Variants in NCAM2 observed in about 807,000 individuals in gnomAD.
NCAM2 encodes the protein N-CAM-2.
A neutral mutation model predicts 98.1 loss-of-function variants in NCAM2; 30 were observed. The ratio of observed to expected loss-of-function variants is 0.31; its 90% CI spans 0.23 to 0.41. The LOEUF is 0.41. Among genes scored for constraint, NCAM2 ranks in the 10% least tolerant of loss-of-function variants. The pLI is 1.00. For missense variants in NCAM2, 867 were observed against 1,005.8 expected, an observed-to-expected ratio of 0.86 and a Z score of 1.87; for synonymous variants, 368 against 342.4, an observed-to-expected ratio of 1.07 and a Z score of -0.83.
At chr21:21,096,347 T>C (rs2066122960) in intron 1 of NCAM2, among the ~76,000 whole-genome samples, 1 of 151,392 alleles carries the variant, frequency 6.6e-6, no homozygotes, top group Non-Finnish European at 1.5e-5. Flanking sequence ...CTTTGCACAG[T>C]AGTGGATTGT....
chr21:21,495,304 G>T (rs1022728099), intron 15 of NCAM2, among the ~76,000 whole-genome samples: 8 of 151,754 alleles, frequency 5.3e-5, no homozygotes, highest in Non-Finnish European at 1.2e-4. Flanking sequence ...TATATAAGGG[G>T]CTGAGTCTAT....
chr21:21,514,643 T>C (rs1602537951), intron 16 of NCAM2, among the ~76,000 whole-genome samples: 2 of 152,200 alleles, frequency 1.3e-5, no homozygotes, highest in Non-Finnish European at 2.9e-5. Flanking sequence ...TTTCGCATTT[T>C]ACCTTTAGAC....
intron 8 of NCAM2, among the ~76,000 whole-genome samples, chr21:21,371,012 T>A (rs537623551): frequency 6.6e-6 from 1 of 151,990 alleles, no homozygotes; most frequent in South Asian, 2.1e-4. Flanking sequence ...TTTGATTGCA[T>A]GTATTTATCT....
At chr21:21,135,738 AG>A (rs1482683048) in intron 1 of NCAM2, among the ~76,000 whole-genome samples, 1 of 152,146 alleles carries the variant, frequency 6.6e-6, no homozygotes, top group African/African-American at 2.4e-5. Flanking sequence ...TTCAACTCCT[AG>A]GAACCAACCT....
At position 21,338,524 on chromosome 21, in the gene NCAM2, A is replaced by C. The variant is rs1568951391; in HGVS notation, c.1034A>C (p.Glu345Ala). 6.2e-7 allele frequency: 1 copy of C among 1,607,600 alleles called. No individual in the cohort carries two copies. The highest frequency in any genetic ancestry group is 1.3e-5 in the African/African-American group (1 of 74,616). The change falls in exon 8 of 18, where the codon GAA becomes GCA. Residue 345 changes from glutamate to alanine, a missense_variant. Around this residue, in one of 5 missense-constraint regions of NCAM2, gnomAD observed 447 missense variants for 495.7 expected, o/e 0.90. Coordinates refer to ENST00000400546, the MANE Select transcript of NCAM2 (RefSeq NM_004540.5). The stretch of plus-strand genomic sequence containing the variant: ...GCTGTGGATGGCTTCACGTTCACTG[A>C]AGGCGATAAGGTAACCACATCTCAA... ...KRAVDGFTFT[E>A]GDKSLDGRIE...
chr21:21,088,277 C>A (rs527496104), intron 1 of NCAM2, among the ~76,000 whole-genome samples: 2 of 152,272 alleles, frequency 1.3e-5, no homozygotes, highest in South Asian at 4.1e-4. Context: ...TGAAATAATG[C>A]AAAGCCAGAT....
intron 12 of NCAM2, among the ~76,000 whole-genome samples, chr21:21,448,243 A>T (rs116909980): frequency 6.6e-6 from 1 of 152,122 alleles, no homozygotes; most frequent in Non-Finnish European, 1.5e-5. Flanking sequence ...TGTCCTTTGC[A>T]GGGACATGAA....
intron 12 of NCAM2, chr21:21,463,970 T>C (rs1983340452): frequency 6.6e-6 from 1 of 152,130 alleles, no homozygotes; most frequent in South Asian, 2.1e-4. Context: ...TCTGCTGTTA[T>C]CAATTTTTAA....
chr21:21,129,482 G>A (rs1005224616), intron 1 of NCAM2, among the ~76,000 whole-genome samples: 2 of 151,920 alleles, frequency 1.3e-5, no homozygotes, highest in East Asian at 1.9e-4. Flanking sequence ...GCTATATCAC[G>A]TGGGCTTCTA....
rs546269567 is a variant in NCAM2 at position 21,537,694 on chromosome 21, C to T, written c.2403-152C>T. ...TTTTTCCTTTCTAATTATTGTAGCA[C>T]GTTTTCTCTATAAAATAGTAACTTA... On this transcript the variant is annotated intron_variant, in intron 17 of 17. Coordinates refer to ENST00000400546, the MANE Select transcript of NCAM2 (RefSeq NM_004540.5). 37 of 394,976 alleles carry T rather than the reference C, an allele frequency of 9.4e-5. No homozygotes were observed. The East Asian group carries it at 9.7e-4, about 10-fold the overall frequency. 24.5% of individuals were successfully genotyped at this position (394,976 alleles called of 1,614,324 possible).
intron 1 of NCAM2, among the ~76,000 whole-genome samples, chr21:21,105,578 CA>C (rs764443996): frequency 6.0e-5 from 9 of 150,968 alleles, no homozygotes; most frequent in South Asian, 2.1e-4. Context: ...TTACTAATGG[CA>C]AAAAAAATGT....
At chr21:21,096,578 A>G (rs1319243865) in intron 1 of NCAM2, among the ~76,000 whole-genome samples, 1 of 151,764 alleles carries the variant, frequency 6.6e-6, no homozygotes. Context: ...TAATAGTTGA[A>G]GTAGTGTTTT....
chr21:21,142,536 G>C (rs970734077), intron 1 of NCAM2, among the ~76,000 whole-genome samples: 2 of 130,778 alleles, frequency 1.5e-5, no homozygotes, highest in Non-Finnish European at 3.3e-5. Flanking sequence ...CCGCCACCAG[G>C]CCTGGCTAAT....
chr21:21,383,928 A>G (rs1230892208), intron 9 of NCAM2, among the ~76,000 whole-genome samples: 1 of 152,036 alleles, frequency 6.6e-6, no homozygotes, highest in Non-Finnish European at 1.5e-5. Context: ...AAAGTGTTTA[A>G]GTATCTTTTC....
chr21:21,502,685 G>T (rs562201289), intron 15 of NCAM2, among the ~76,000 whole-genome samples: 5 of 151,908 alleles, frequency 3.3e-5, no homozygotes, highest in Non-Finnish European at 4.4e-5. Context: ...GAAAGATACC[G>T]TACGTAGTAA....
chr21:21,439,497 G>A (rs1304230993), intron 12 of NCAM2, among the ~76,000 whole-genome samples: 6 of 152,280 alleles, frequency 3.9e-5, no homozygotes, highest in African/African-American at 1.4e-4. Flanking sequence ...TTGTGGTAGA[G>A]AAACTTATTT....
intron 1 of NCAM2, among the ~76,000 whole-genome samples, chr21:21,248,628 T>TACAAAAAA (rs2147274454): frequency 6.6e-6 from 1 of 151,590 alleles, no homozygotes; most frequent in Non-Finnish European, 1.5e-5. Context: ...TACAAAAAAA[T>TACAAAAAA]TAGCTGGGCG....
Position 21,468,701 on chromosome 21 carries a change from G to A in NCAM2, c.1814G>A (p.Ser605Asn). The change falls in exon 14 of 18, where the codon AGT (serine) becomes AAT (asparagine). Residue 605 changes from serine to asparagine, a missense_variant. By Grantham distance (46) the Ser-to-Asn change is conservative (BLOSUM62 1). Around this residue, in one of 5 missense-constraint regions of NCAM2, gnomAD observed 234 missense variants for 333.8 expected, o/e 0.70. Coordinates refer to ENST00000400546, the MANE Select transcript of NCAM2 (RefSeq NM_004540.5). Reference sequence around the variant, plus strand: ...CCATCCATACATGGACAGCCAAGCAGTGGAAAGAGCTTTAAACTCAGCATC... The same window carrying A: ...CCATCCATACATGGACAGCCAAGCAATGGAAAGAGCTTTAAACTCAGCATC... ...SPPSIHGQPS[S>N]GKSFKLSITK... is the part of the protein sequence containing the mutation. 6.2e-7 allele frequency: 1 copy of A among 1,612,122 alleles called. No homozygotes were observed. Among genetic ancestry groups the A allele is most frequent in the South Asian group, 1.1e-5 (1 of 90,982 alleles).
At chr21:21,456,506 C>T (rs1198913233) in intron 12 of NCAM2, among the ~76,000 whole-genome samples, 2 of 151,946 alleles carry the variant, frequency 1.3e-5, no homozygotes, top group Non-Finnish European at 2.9e-5. Flanking sequence ...CTCAGAAACA[C>T]GTAATTAAGT....
Sources: gnomAD v4.1 joint callset for allele counts (sites outside exome capture counted in the v4.1 genomes callset) on GRCh38, gnomAD v4.1.1 for gene constraint, gnomAD v4.1.1 regional missense constraint, MANE v1.5 for transcripts, NCBI Gene and HGNC (gene_info 2026-07-23, HGNC 2026-07-21) for gene names.